The following CAMK1D variants were observed in gnomAD, a reference collection of about 807,000 sequenced individuals.
The protein encoded by CAMK1D is calcium/calmodulin-dependent protein kinase type 1D.
A neutral mutation model predicts 47.7 loss-of-function variants in CAMK1D; 9 were observed. That is an observed-to-expected ratio of 0.19 (90% CI 0.11 to 0.33). CAMK1D has a LOEUF of 0.33. CAMK1D is among the 10% of genes least tolerant of loss of function. CAMK1D has a pLI of 1.00. For missense variants in CAMK1D, 291 were observed against 488.7 expected (o/e 0.60, Z 3.81); for synonymous variants, 184 against 184.9 (o/e 0.99, Z 0.04).
intron 3 of CAMK1D, among the ~76,000 whole-genome samples, chr10:12,734,580 A>G (rs1157804129): frequency 6.7e-6 from 1 of 149,382 alleles, no homozygotes; most frequent in Non-Finnish European, 1.5e-5. Context: ...GTATATATAT[A>G]TATAGACACA....
chr10:12,480,263 G>T (rs12773487), intron 1 of CAMK1D, among the ~76,000 whole-genome samples: 20,698 of 151,932 alleles, frequency 0.14, 1,537 homozygotes, highest in Non-Finnish European at 0.18. Context: ...ACTGAAATCC[G>T]GTCTCTACTA....
At chr10:12,807,462 A>T (rs1288827749) in intron 6 of CAMK1D, among the ~76,000 whole-genome samples, 1 of 152,134 alleles carries the variant, frequency 6.6e-6, no homozygotes, top group Non-Finnish European at 1.5e-5. Context: ...GGCAAGATCC[A>T]GTGTAGTTAT....
At chr10:12,701,334 A>C (rs545555947) in intron 3 of CAMK1D, among the ~76,000 whole-genome samples, 4 of 152,306 alleles carry the variant, frequency 2.6e-5, no homozygotes, top group African/African-American at 9.6e-5. Flanking sequence ...TGATTTGCAA[A>C]CAACCAACAA....
chr10:12,692,805 T>G (rs549118070), intron 3 of CAMK1D, among the ~76,000 whole-genome samples: 105 of 152,322 alleles, frequency 6.9e-4, no homozygotes, highest in Non-Finnish European at 1.3e-3. Flanking sequence ...AGAAATTCAT[T>G]GATTCTCTGA....
intron 2 of CAMK1D, among the ~76,000 whole-genome samples, chr10:12,593,630 A>G (rs1838060502): frequency 6.6e-6 from 1 of 151,798 alleles, no homozygotes; most frequent in Admixed American, 6.6e-5. Context: ...ATTCACCACT[A>G]TAAACTTCAT....
intron 1 of CAMK1D, among the ~76,000 whole-genome samples, chr10:12,466,790 T>C (rs1325535259): frequency 3.3e-5 from 5 of 151,964 alleles, no homozygotes; most frequent in Admixed American, 1.3e-4. Context: ...GAACGTTTTT[T>C]ATGGGAAGGT....
chr10:12,528,876 G>A (rs1225513317), intron 1 of CAMK1D, among the ~76,000 whole-genome samples: 1 of 151,914 alleles, frequency 6.6e-6, no homozygotes, highest in Non-Finnish European at 1.5e-5. Flanking sequence ...TGAGTAGCTG[G>A]GACTACAGGT....
At chr10:12,751,213 A>C (rs1478387594) in intron 3 of CAMK1D, among the ~76,000 whole-genome samples, 2 of 152,184 alleles carry the variant, frequency 1.3e-5, no homozygotes, top group African/African-American at 4.8e-5. Flanking sequence ...ACCCAGCCAG[A>C]CCACACCCCA....
intron 1 of CAMK1D, among the ~76,000 whole-genome samples, chr10:12,435,829 TTCGTGCTGCC>T (rs1320625702): frequency 1.3e-5 from 2 of 152,192 alleles, no homozygotes; most frequent in Non-Finnish European, 2.9e-5. Flanking sequence ...TTGTCTTGTA[TTCGTGCTGCC>T]TCCTGGGCAC....
At chr10:12,604,201 C>T (rs962068508) in intron 2 of CAMK1D, among the ~76,000 whole-genome samples, 8 of 152,074 alleles carry the variant, frequency 5.3e-5, no homozygotes, top group African/African-American at 1.7e-4. Flanking sequence ...TTCTTAGCAC[C>T]CAACCAAGCC....
At chr10:12,645,299 C>G (rs1265901024) in intron 2 of CAMK1D, among the ~76,000 whole-genome samples, 1 of 152,186 alleles carries the variant, frequency 6.6e-6, no homozygotes, top group East Asian at 1.9e-4. Flanking sequence ...ACATACACTT[C>G]TATTTTTGTT....
chr10:12,531,788 G>C (rs1409699130), intron 1 of CAMK1D, among the ~76,000 whole-genome samples: 2 of 152,214 alleles, frequency 1.3e-5, no homozygotes, highest in African/African-American at 4.8e-5. Context: ...TTCTCATCAT[G>C]TTCTCTCTGG....
chr10:12,651,547 A>T (rs1839964837), intron 2 of CAMK1D, among the ~76,000 whole-genome samples: 1 of 151,170 alleles, frequency 6.6e-6, no homozygotes, highest in Admixed American at 6.6e-5. Context: ...ACGTGCCACC[A>T]CACCCAGCTA....
At chr10:12,404,569 A>G (rs1273112518) in intron 1 of CAMK1D, among the ~76,000 whole-genome samples, 1 of 152,214 alleles carries the variant, frequency 6.6e-6, no homozygotes, top group Non-Finnish European at 1.5e-5. Context: ...TGTATTGTAC[A>G]GGGTGATGCT....
chr10:12,435,538 C>G (rs561625562), intron 1 of CAMK1D, among the ~76,000 whole-genome samples: 67 of 151,858 alleles, frequency 4.4e-4, no homozygotes, highest in African/African-American at 1.4e-3. Flanking sequence ...CCTCCACTCC[C>G]AAGCAGCCTG....
In CAMK1D at chr10:12,441,704, G is replaced by A. The variant is rs142531526; in HGVS notation, c.92+91794G>A. On this transcript the variant is annotated intron_variant, in intron 1 of 10. Transcript: ENST00000619168. ...CACATGCCTGTAATCCCAGCTACTCGGGAGGCCAAGGAACAAGAATCGCTT... is the reference window on the plus strand; with the variant it reads ...CACATGCCTGTAATCCCAGCTACTCAGGAGGCCAAGGAACAAGAATCGCTT... Among the ~76,000 whole-genome samples, 994 of 151,974 alleles carry A rather than the reference G, an allele frequency of 6.5e-3. 15 individuals carry two copies. Among genetic ancestry groups the A allele is most frequent in the African/African-American group, 0.022 (924 of 41,454 alleles).
intron 10 of CAMK1D, 111 bp downstream of exon 10, chr10:12,825,801 A>G (rs1833185937): frequency 4.5e-6 from 7 of 1,565,590 alleles, no homozygotes; most frequent in South Asian, 1.2e-5. Context: ...GGCGCTTTCT[A>G]TACTTAATCC....
chr10:12,365,651 G>A (rs1217728132), intron 1 of CAMK1D, among the ~76,000 whole-genome samples: 1 of 151,734 alleles, frequency 6.6e-6, no homozygotes, highest in Non-Finnish European at 1.5e-5. Flanking sequence ...TGTTAGCCAG[G>A]ATGGTCTCGA....
intron 3 of CAMK1D, among the ~76,000 whole-genome samples, chr10:12,714,502 C>T (rs563463957): frequency 1.4e-4 from 22 of 152,034 alleles, no homozygotes; most frequent in Non-Finnish European, 2.8e-4. Flanking sequence ...AGGCGGATCA[C>T]GAGGTCAGGA....
Sources: gnomAD v4.1 joint callset for allele counts (sites outside exome capture counted in the v4.1 genomes callset) on GRCh38, gnomAD v4.1.1 for gene constraint, MANE v1.5 for transcripts, NCBI Gene and HGNC (gene_info 2026-07-23, HGNC 2026-07-21) for gene names.